SPINT4: variants seen among roughly 807,000 people sequenced by gnomAD.
SPINT4 encodes the protein kunitz-type protease inhibitor 4.
Under a neutral mutation model 9.4 loss-of-function variants are expected in SPINT4, and 7 were observed. The ratio of observed to expected loss-of-function variants is 0.74; its 90% CI spans 0.42 to 1.40. The LOEUF (loss-of-function observed/expected upper bound fraction) is 1.40, where lower values mean the gene tolerates loss of function less well. Among genes scored for constraint, SPINT4 ranks in the 40% most tolerant of loss-of-function variants. SPINT4 has a pLI of 0.01. For synonymous variants in SPINT4, 36 were observed against 39.9 expected (o/e 0.90, Z 0.37); for missense variants, 105 against 114.4 (o/e 0.92, Z 0.37).
chr20:45,724,172 G>A (rs1216249108), intron 2 of SPINT4, 115 bp downstream of exon 2: 6 of 1,150,814 alleles, frequency 5.2e-6, no homozygotes, highest in Non-Finnish European at 7.3e-6. Flanking sequence ...GGAAGAGGGA[G>A]GATTGCTCAA....
At position 45,722,448 on chromosome 20, in the gene SPINT4, T is replaced by C. The variant is rs1218662867; in HGVS notation, c.81T>C (p.Asn27=). 1.9e-5 allele frequency: 31 copies of C among 1,613,380 alleles called. 1 individual carries two copies. Among genetic ancestry groups the C allele is most frequent in the Non-Finnish European group, 2.6e-5 (31 of 1,179,302 alleles). ...SLNTLLLGGV[N]KIAEKICGDL... ...ATACCCTGTTATTGGGTGGTGTTAA[T>C]AAAATTGCGGAGAAGATATGTGGAG... Residue 27 remains asparagine, a synonymous_variant, in exon 1 of 3, where the codon AAT becomes AAC. Transcript: ENST00000279058.
intron 2 of SPINT4, 47 bp downstream of exon 2, chr20:45,724,104 G>A: frequency 1.3e-6 from 2 of 1,551,444 alleles, no homozygotes; most frequent in Non-Finnish European, 1.7e-6. Context: ...AGTAAAAGAA[G>A]AGGTTTTGAC....
chr20:45,724,709 G>A (rs1984890869), intron 2 of SPINT4, among the ~76,000 whole-genome samples: 1 of 150,212 alleles, frequency 6.7e-6, no homozygotes, highest in Admixed American at 6.6e-5. Flanking sequence ...GGCCAGGCGT[G>A]GTGGCTCACG....
In SPINT4 at chr20:45,725,604, GT is replaced by G. The variant is rs765291253; in HGVS notation, c.294-20del. On this transcript the variant is annotated intron_variant, in intron 2 of 2. Transcript: ENST00000279058. ...TCAAAAACCTGTAACACCGATTTGG[GT>G]TTTTCTTTCCTTTGCTTAAACAGGA... is the stretch of plus-strand genomic sequence containing the variant. The G allele has an allele frequency of 2.5e-6, 4 of 1,613,550 alleles. No individual in the cohort carries two copies. The African/African-American group carries it at 5.3e-5, about 22-fold the overall frequency.
chr20:45,723,967 C>A lies in SPINT4; in HGVS notation c.203C>A (p.Thr68Asn). ...FYNRTSKRCE[T>N]FVFSGCNGNL... is the part of the protein sequence containing the mutation. ...AACAGAACCTCCAAAAGATGTGAAACTTTTGTCTTCTCCGGCTGTAATGGC... is the reference window on the plus strand; with the variant it reads ...AACAGAACCTCCAAAAGATGTGAAAATTTTGTCTTCTCCGGCTGTAATGGC... Residue 68 changes from threonine to asparagine, a missense_variant, in exon 2 of 3, where the codon ACT (threonine) becomes AAT (asparagine). Coordinates refer to ENST00000279058, the MANE Select transcript of SPINT4 (RefSeq NM_178455.3). The A allele has an allele frequency of 2.5e-6, 4 of 1,610,108 alleles. No homozygotes were observed. The highest frequency in any genetic ancestry group is 3.4e-5 in the Admixed American group (2 of 59,144).
At chr20:45,725,529 C>T in intron 2 of SPINT4, 100 bp from the exon 3 acceptor site, 2 of 1,266,288 alleles carry the variant, frequency 1.6e-6, no homozygotes, top group South Asian at 2.4e-5. Context: ...AAGGCATCCT[C>T]TGTGCTTTCC....
chr20:45,724,979 C>CA (rs1168670011), intron 2 of SPINT4, among the ~76,000 whole-genome samples: 1,152 of 27,112 alleles, frequency 0.042, 180 homozygotes, highest in African/African-American at 0.077. Context: ...GACTCCATCT[C>CA]AAAAAAAAAA....
intron 1 of SPINT4, among the ~76,000 whole-genome samples, chr20:45,723,235 A>G (rs573844990): frequency 2.1e-4 from 32 of 152,262 alleles, no homozygotes; most frequent in African/African-American, 7.7e-4. Context: ...TGGATTGTCA[A>G]TACAACCATG....
rs779896534 is a variant in SPINT4 at position 45,724,998 on chromosome 20, ATATAT to A, written c.294-630_294-626del. 2.3e-4 allele frequency among the ~76,000 whole-genome samples: 21 copies of A among 92,650 alleles called. 3 individuals carry two copies. Among genetic ancestry groups the A allele is most frequent in the African/African-American group, 1.0e-3 (17 of 16,374 alleles). 60.8% of individuals were successfully genotyped at this position (92,650 alleles called of 152,430 possible). ...CCATCTCAAAAAAAAAAAAAAAAAT[ATATAT>A]ATATATATATATATATATATATATC... On this transcript the variant is annotated intron_variant, in intron 2 of 2. Coordinates refer to ENST00000279058, the MANE Select transcript of SPINT4 (RefSeq NM_178455.3).
intron 1 of SPINT4, 82 bp downstream of exon 1, chr20:45,722,564 G>T (rs1023115611): frequency 1.6e-5 from 16 of 1,029,724 alleles, no homozygotes; most frequent in Admixed American, 1.3e-4. Flanking sequence ...GTGTTATCTA[G>T]GTAGTCCAGG....
chr20:45,722,514 G>A (rs548421647), intron 1 of SPINT4, 32 bp downstream of exon 1: 8 of 1,469,166 alleles, frequency 5.4e-6, no homozygotes, highest in Non-Finnish European at 7.6e-6. Context: ...TAAATCCAAA[G>A]GTCAATTATG....
intron 2 of SPINT4, among the ~76,000 whole-genome samples, chr20:45,724,633 T>C (rs1568682422): frequency 1.3e-5 from 2 of 151,608 alleles, no homozygotes; most frequent in Non-Finnish European, 2.9e-5. Context: ...GGACAATTAC[T>C]GTGTGTCAGG....
In SPINT4 at chr20:45,725,660, C is replaced by G. The variant is rs763899642; in HGVS notation, c.*25C>G. On this transcript the variant is annotated 3_prime_UTR_variant, in exon 3 of 3. Transcript: ENST00000279058. ...AGAGGATGTGAACTCATGAAGTTGT[C>G]TGCTGCACCATCCGAAATAAAGACA... 24 of 1,613,138 alleles carry G rather than the reference C, an allele frequency of 1.5e-5. No homozygotes were observed. Among genetic ancestry groups the G allele is most frequent in the Non-Finnish European group, 2.0e-5 (23 of 1,179,286 alleles).
chr20:45,722,970 C>T (rs1289124917), intron 1 of SPINT4, among the ~76,000 whole-genome samples: 1 of 152,034 alleles, frequency 6.6e-6, no homozygotes, highest in Non-Finnish European at 1.5e-5. Context: ...GAAGGCTCAG[C>T]GCTTCCAGGG....
chr20:45,723,787 C>A (rs1253995772), intron 1 of SPINT4, 93 bp from the exon 2 acceptor site: 3 of 1,052,552 alleles, frequency 2.9e-6, no homozygotes, highest in African/African-American at 1.7e-5. Context: ...TAGTTCCAGG[C>A]TAAACGTAGG....
In SPINT4 at chr20:45,725,508, C is replaced by T. The variant is rs575330755; in HGVS notation, c.294-121C>T. 11 of 971,532 alleles carry T rather than the reference C, an allele frequency of 1.1e-5. No homozygotes were observed. The South Asian group carries it at 1.4e-4, about 12-fold the overall frequency. The allele number at this position is 971,532 out of a possible 1,614,324, so 60.2% of individuals were successfully genotyped here. ...AGATTAATCAATAAAATAAGGGAAA[C>T]ATTGAGATAGAAGGCATCCTCTGTG... On this transcript the variant is annotated intron_variant, in intron 2 of 2. Coordinates refer to ENST00000279058, the MANE Select transcript of SPINT4 (RefSeq NM_178455.3).
chr20:45,724,995 A>AAAAAAAAAAAAAAAAAAAAAAAAT (rs1387842262), intron 2 of SPINT4, among the ~76,000 whole-genome samples: 1 of 36,424 alleles, frequency 2.7e-5, no homozygotes, highest in African/African-American at 1.9e-4. Flanking sequence ...AAAAAAAAAA[A>AAAAAAAAAAAAAAAAAAAAAAAAT]ATATATATAT....
chr20:45,725,266 C>T (rs981067880), intron 2 of SPINT4, among the ~76,000 whole-genome samples: 1 of 151,588 alleles, frequency 6.6e-6, no homozygotes, highest in Non-Finnish European at 1.5e-5. Context: ...GCTCCCAGCC[C>T]ATGCTTGACT....
At position 45,725,619 on chromosome 20, in the gene SPINT4, G is replaced by A; in HGVS notation, c.294-10G>A. On this transcript the variant is annotated splice_polypyrimidine_tract_variant and intron_variant, in intron 2 of 2. Coordinates refer to ENST00000279058, the MANE Select transcript of SPINT4 (RefSeq NM_178455.3). ...ACCGATTTGGGTTTTTCTTTCCTTTGCTTAAACAGGAGGTGAGAGGATGTG... is the reference window on the plus strand; with the variant it reads ...ACCGATTTGGGTTTTTCTTTCCTTTACTTAAACAGGAGGTGAGAGGATGTG... The A allele has an allele frequency of 6.2e-7, 1 of 1,613,728 alleles. No individual in the cohort carries two copies. Among genetic ancestry groups the A allele is most frequent in the Non-Finnish European group, 8.5e-7 (1 of 1,179,712 alleles).
Sources: allele counts gnomAD v4.1 joint callset (sites outside exome capture counted in the v4.1 genomes callset), GRCh38; gene constraint gnomAD v4.1.1; transcripts MANE v1.5; gene names NCBI Gene and HGNC (gene_info 2026-07-23, HGNC 2026-07-21).